Variants in DLGAP1 observed in about 807,000 individuals in gnomAD.
The protein encoded by DLGAP1 is disks large-associated protein 1.
A neutral mutation model predicts 90.8 loss-of-function variants in DLGAP1; 11 were observed. The ratio of observed to expected loss-of-function variants is 0.12; its 90% CI spans 0.08 to 0.20. DLGAP1 has a LOEUF of 0.20. Ranked by LOEUF, DLGAP1 falls within the 10% of genes least tolerant of loss-of-function variation. The pLI is 1.00. For synonymous variants in DLGAP1, 558 were observed against 540.7 expected (o/e 1.03, Z -0.44); for missense variants, 1,050 against 1,333.8 (o/e 0.79, Z 3.31).
intron 7 of DLGAP1, among the ~76,000 whole-genome samples, chr18:3,584,456 T>C (rs528834509): frequency 3.9e-5 from 6 of 152,270 alleles, no homozygotes; most frequent in African/African-American, 1.4e-4. Flanking sequence ...TAATGAACAA[T>C]AAACAAAAGG....
intron 10 of DLGAP1, among the ~76,000 whole-genome samples, chr18:3,533,889 G>A (rs1357381168): frequency 6.6e-6 from 1 of 152,174 alleles, no homozygotes; most frequent in Non-Finnish European, 1.5e-5. Flanking sequence ...TTGGAGAAGA[G>A]GGACCAAGTT....
chr18:3,892,431 T>C lies in DLGAP1; in HGVS notation c.-72-12291A>G, dbSNP rs117311007. Among the ~76,000 whole-genome samples the C allele has an allele frequency of 2.7e-4, 41 of 152,236 alleles. No homozygotes were observed. The East Asian group carries it at 5.6e-3, about 21-fold the overall frequency. ...CCCACATGCCACATTCCCCATTGAC[T>C]CTGTGTTTCATGCTCTCTAAAATAC... On this transcript the variant is annotated intron_variant, in intron 3 of 12. Transcript: ENST00000315677.
chr18:4,376,704 G>A (rs2082020791), intron 1 of DLGAP1, among the ~76,000 whole-genome samples: 1 of 152,156 alleles, frequency 6.6e-6, no homozygotes, highest in Non-Finnish European at 1.5e-5. Context: ...GAACGATTCT[G>A]AGCACTTGGT....
chr18:4,104,646 C>T (rs1001239977), intron 2 of DLGAP1, among the ~76,000 whole-genome samples: 1 of 152,138 alleles, frequency 6.6e-6, no homozygotes, highest in Admixed American at 6.5e-5. Context: ...TTTCTGATCA[C>T]GTTCTTCTTG....
chr18:4,431,924 A>C (rs2083292286), intron 1 of DLGAP1, among the ~76,000 whole-genome samples: 1 of 152,238 alleles, frequency 6.6e-6, no homozygotes, highest in South Asian at 2.1e-4. Flanking sequence ...TGTCAGGCAC[A>C]CTGCAATGTT....
At chr18:4,322,896 G>C (rs1354405716) in intron 1 of DLGAP1, among the ~76,000 whole-genome samples, 2 of 134,346 alleles carry the variant, frequency 1.5e-5, no homozygotes, top group Non-Finnish European at 3.1e-5. Context: ...GGGAGGCGGA[G>C]ATTGCAGTAA....
intron 1 of DLGAP1, among the ~76,000 whole-genome samples, chr18:4,259,506 G>A (rs1157442310): frequency 6.6e-6 from 1 of 152,140 alleles, no homozygotes; most frequent in Non-Finnish European, 1.5e-5. Context: ...ATTGTGATCT[G>A]AAATTTTTAC....
At chr18:3,730,244 T>G (rs1041123238) in intron 6 of DLGAP1, among the ~76,000 whole-genome samples, 5 of 151,988 alleles carry the variant, frequency 3.3e-5, no homozygotes, top group African/African-American at 1.2e-4. Context: ...CAGAGAGAGA[T>G]CTTGTCTCAA....
chr18:3,989,343 C>T (rs548557971), intron 3 of DLGAP1, among the ~76,000 whole-genome samples: 1 of 152,320 alleles, frequency 6.6e-6, no homozygotes, highest in East Asian at 1.9e-4. Context: ...TCCACTAATT[C>T]CTGTAGCCTT....
intron 3 of DLGAP1, among the ~76,000 whole-genome samples, chr18:3,961,350 G>C (rs2073194003): frequency 6.6e-6 from 1 of 152,122 alleles, no homozygotes; most frequent in Non-Finnish European, 1.5e-5. Context: ...TGTCTGGTTG[G>C]CTTTTTTCTG....
At chr18:3,538,483 A>C (rs960779918) in intron 9 of DLGAP1, among the ~76,000 whole-genome samples, 1 of 152,222 alleles carries the variant, frequency 6.6e-6, no homozygotes, top group African/African-American at 2.4e-5. Context: ...CAATTTTGCG[A>C]AAGTGGTTCT....
intron 1 of DLGAP1, among the ~76,000 whole-genome samples, chr18:4,382,893 C>A (rs1440693491): frequency 6.6e-6 from 1 of 152,126 alleles, no homozygotes; most frequent in Non-Finnish European, 1.5e-5. Context: ...TGCAGTTCAG[C>A]AACATAGGTT....
At chr18:3,964,672 T>A (rs1205905368) in intron 3 of DLGAP1, among the ~76,000 whole-genome samples, 1 of 152,154 alleles carries the variant, frequency 6.6e-6, no homozygotes, top group African/African-American at 2.4e-5. Flanking sequence ...CTTGATAAAC[T>A]TCTATACACG....
At chr18:3,970,474 T>C (rs978008901) in intron 3 of DLGAP1, among the ~76,000 whole-genome samples, 3 of 152,200 alleles carry the variant, frequency 2.0e-5, no homozygotes, top group Non-Finnish European at 4.4e-5. Flanking sequence ...TCAAATACAC[T>C]GTCAAAAGCG....
chr18:3,675,167 T>C (rs1470056683), intron 7 of DLGAP1, among the ~76,000 whole-genome samples: 2 of 152,080 alleles, frequency 1.3e-5, no homozygotes, highest in African/African-American at 4.8e-5. Flanking sequence ...TGCCTCCTGG[T>C]TCAAGCGATT....
chr18:4,066,602 T>A (rs1452881011), intron 2 of DLGAP1, among the ~76,000 whole-genome samples: 1 of 151,990 alleles, frequency 6.6e-6, no homozygotes, highest in African/African-American at 2.4e-5. Context: ...ATTAGAGAAA[T>A]GTGAATCAAA....
intron 3 of DLGAP1, among the ~76,000 whole-genome samples, chr18:3,992,927 G>A (rs1395894525): frequency 6.6e-6 from 1 of 152,120 alleles, no homozygotes; most frequent in Non-Finnish European, 1.5e-5. Flanking sequence ...TCTGCTCCTG[G>A]GGCAGGTAAC....
chr18:3,637,281 T>A (rs1180918616), intron 7 of DLGAP1, among the ~76,000 whole-genome samples: 3 of 151,890 alleles, frequency 2.0e-5, no homozygotes, highest in African/African-American at 7.3e-5. Flanking sequence ...AGACCCACAA[T>A]CTGGTAATAT....
chr18:4,127,558 C>G (rs906584781), intron 2 of DLGAP1, among the ~76,000 whole-genome samples: 1 of 152,072 alleles, frequency 6.6e-6, no homozygotes, highest in African/African-American at 2.4e-5. Flanking sequence ...AAAATTGGGG[C>G]TACTTTACTA....
Sources: gnomAD v4.1 joint callset for allele counts (sites outside exome capture counted in the v4.1 genomes callset) on GRCh38, gnomAD v4.1.1 for gene constraint, MANE v1.5 for transcripts, NCBI Gene and HGNC (gene_info 2026-07-23, HGNC 2026-07-21) for gene names.